The following MDGA2 variants were observed in gnomAD, a reference collection of about 807,000 sequenced individuals.
MDGA2 encodes MAM domain containing glycosylphosphatidylinositol anchor 2, also known as MAM domain-containing glycosylphosphatidylinositol anchor protein 2.
In MDGA2, 40 loss-of-function variants were observed where a neutral mutation model predicts 117.8. That is an observed-to-expected ratio of 0.34 (90% CI 0.26 to 0.44). The LOEUF is 0.44. Ranked by LOEUF, MDGA2 falls within the 20% of genes least tolerant of loss-of-function variation. The pLI, the probability that MDGA2 is intolerant of heterozygous loss-of-function variation, is 1.00. For synonymous variants in MDGA2, 452 were observed against 439.0 expected (o/e 1.03, Z -0.37); for missense variants, 1,123 against 1,250.6 (o/e 0.90, Z 1.54).
chr14:46,842,142 A>G (rs1880642506), intron 16 of MDGA2, 123 bp from the exon 17 acceptor site: 1 of 624,000 alleles, frequency 1.6e-6, no homozygotes, highest in African/African-American at 1.9e-5. Context: ...GAAAATATTT[A>G]TTTTTATTTT....
At chr14:47,180,515 T>A (rs1884656568) in intron 3 of MDGA2, among the ~76,000 whole-genome samples, 1 of 151,770 alleles carries the variant, frequency 6.6e-6, no homozygotes, top group South Asian at 2.1e-4. Flanking sequence ...AAAAACCCCA[T>A]AAAAAGTGGA....
At chr14:47,500,848 T>TC (rs1894384705) in intron 1 of MDGA2, among the ~76,000 whole-genome samples, 1 of 152,156 alleles carries the variant, frequency 6.6e-6, no homozygotes, top group Non-Finnish European at 1.5e-5. Context: ...CCCTGCTTTT[T>TC]CTGAATAATT....
intron 3 of MDGA2, among the ~76,000 whole-genome samples, chr14:47,193,224 T>C (rs1010913985): frequency 2.6e-5 from 4 of 152,194 alleles, no homozygotes; most frequent in Non-Finnish European, 5.9e-5. Context: ...TCTGTCATAA[T>C]AGCAACAGTA....
At chr14:47,245,816 A>T (rs761579530) in intron 2 of MDGA2, among the ~76,000 whole-genome samples, 1 of 151,866 alleles carries the variant, frequency 6.6e-6, no homozygotes, top group Non-Finnish European at 1.5e-5. Flanking sequence ...TCCTATTTGT[A>T]ATTGCAACCA....
intron 2 of MDGA2, among the ~76,000 whole-genome samples, chr14:47,253,629 G>C (rs1413306741): frequency 6.6e-6 from 1 of 152,230 alleles, no homozygotes; most frequent in Non-Finnish European, 1.5e-5. Flanking sequence ...TTCATGGGCT[G>C]GTGTTGAGTG....
At chr14:46,981,174 G>T (rs528324293) in intron 8 of MDGA2, among the ~76,000 whole-genome samples, 5 of 151,602 alleles carry the variant, frequency 3.3e-5, no homozygotes, top group Admixed American at 6.6e-5. Flanking sequence ...GAGGCCAAGG[G>T]GGGGGCGGAT....
chr14:47,097,190 C>T (rs1880024150), intron 5 of MDGA2, 67 bp from the exon 6 acceptor site: 1 of 1,519,080 alleles, frequency 6.6e-7, no homozygotes, highest in South Asian at 1.2e-5. Context: ...CAACAGCATG[C>T]ATTATATTGG....
chr14:46,877,224 C>T (rs571951242), intron 12 of MDGA2, among the ~76,000 whole-genome samples: 1 of 151,472 alleles, frequency 6.6e-6, no homozygotes. Context: ...GCAGAAATAG[C>T]AAATATTAAG....
chr14:46,895,965 T>C (rs1004818642), intron 10 of MDGA2, among the ~76,000 whole-genome samples: 2 of 152,170 alleles, frequency 1.3e-5, no homozygotes, highest in Non-Finnish European at 2.9e-5. Context: ...TAAAGTTCAA[T>C]CTTATTCTCC....
chr14:46,997,034 C>T, intron 8 of MDGA2: 1 of 296,728 alleles, frequency 3.4e-6, no homozygotes, highest in African/African-American at 2.2e-5. Context: ...AAGGTTTGCC[C>T]AAGGTTTGAA....
At chr14:47,056,727 C>A (rs1037184558) in intron 7 of MDGA2, among the ~76,000 whole-genome samples, 1 of 152,100 alleles carries the variant, frequency 6.6e-6, no homozygotes, top group Admixed American at 6.6e-5. Flanking sequence ...CTGGAAGAAG[C>A]AATGAGATAT....
chr14:46,950,154 A>G (rs1407746301), intron 9 of MDGA2, among the ~76,000 whole-genome samples: 2 of 152,020 alleles, frequency 1.3e-5, no homozygotes, highest in African/African-American at 4.8e-5. Context: ...ATTAAGGTAT[A>G]TATTTTAGTA....
intron 1 of MDGA2, among the ~76,000 whole-genome samples, chr14:47,392,557 A>G (rs530599447): frequency 6.6e-6 from 1 of 152,210 alleles, no homozygotes; most frequent in South Asian, 2.1e-4. Flanking sequence ...TTCAACAAGC[A>G]GGAGAACTTT....
intron 1 of MDGA2, among the ~76,000 whole-genome samples, chr14:47,357,111 C>T (rs544540764): frequency 9.2e-5 from 14 of 152,256 alleles, no homozygotes; most frequent in African/African-American, 3.4e-4. Context: ...AAACCGTTTC[C>T]TCCCCTCCAC....
At chr14:47,274,366 GATA>G (rs1888243761) in intron 2 of MDGA2, among the ~76,000 whole-genome samples, 1 of 151,852 alleles carries the variant, frequency 6.6e-6, no homozygotes, top group Admixed American at 6.6e-5. Flanking sequence ...TCTTTATTAG[GATA>G]ATGTTTCCAA....
intron 2 of MDGA2, among the ~76,000 whole-genome samples, chr14:47,235,409 G>C (rs1886824385): frequency 6.6e-6 from 1 of 152,192 alleles, no homozygotes; most frequent in South Asian, 2.1e-4. Context: ...ATCCTCGAAA[G>C]AATAATGTGA....
chr14:47,391,418 G>A (rs181648108), intron 1 of MDGA2, among the ~76,000 whole-genome samples: 12 of 152,264 alleles, frequency 7.9e-5, no homozygotes, highest in African/African-American at 2.9e-4. Flanking sequence ...CTAAGAAACG[G>A]GATGATCCAT....
intron 2 of MDGA2, among the ~76,000 whole-genome samples, chr14:47,281,844 G>C (rs1888501449): frequency 2.0e-5 from 3 of 151,758 alleles, no homozygotes; most frequent in Non-Finnish European, 4.4e-5. Flanking sequence ...ATCACCTGAG[G>C]TCGGAAGCTC....
intron 1 of MDGA2, among the ~76,000 whole-genome samples, chr14:47,669,092 C>T (rs1308473279): frequency 2.0e-5 from 3 of 152,146 alleles, no homozygotes; most frequent in Admixed American, 2.0e-4. Flanking sequence ...CCCCATGAGT[C>T]CTACTGCAGT....
Sources: gnomAD v4.1 joint callset for allele counts (sites outside exome capture counted in the v4.1 genomes callset) on GRCh38, gnomAD v4.1.1 for gene constraint, MANE v1.5 for transcripts, NCBI Gene and HGNC (gene_info 2026-07-23, HGNC 2026-07-21) for gene names.